MEF2C: variants seen among roughly 807,000 people sequenced by gnomAD.
MEF2C encodes the protein myocyte-specific enhancer factor 2C.
A neutral mutation model predicts 50.5 loss-of-function variants in MEF2C; 6 were observed. The ratio of observed to expected loss-of-function variants is 0.12; its 90% CI spans 0.07 to 0.23. The LOEUF is 0.23. Ranked by LOEUF, MEF2C falls within the 10% of genes least tolerant of loss-of-function variation. MEF2C has a pLI of 1.00. For synonymous variants in MEF2C, 183 were observed against 228.0 expected, an observed-to-expected ratio of 0.80 and a Z score of 1.78; for missense variants, 276 against 605.0, an observed-to-expected ratio of 0.46 and a Z score of 5.70.
intron 1 of MEF2C, among the ~76,000 whole-genome samples, chr5:88,853,776 C>A (rs536352367): frequency 6.6e-6 from 1 of 152,162 alleles, no homozygotes; most frequent in Non-Finnish European, 1.5e-5. Flanking sequence ...CAGGAATAAG[C>A]GATCCACATG....
At chr5:88,751,561 A>G in intron 5 of MEF2C, 2 of 980,946 alleles carry the variant, frequency 2.0e-6, no homozygotes, top group Non-Finnish European at 2.4e-6. Context: ...CAGAAGTAAA[A>G]GTGTGGAGAA....
At chr5:88,811,151 A>G (rs1802613360) in intron 2 of MEF2C, among the ~76,000 whole-genome samples, 1 of 152,174 alleles carries the variant, frequency 6.6e-6, no homozygotes, top group Non-Finnish European at 1.5e-5. Context: ...TAGAGCATCT[A>G]CAGGATGGTA....
At chr5:88,863,612 C>T (rs191671679) in intron 1 of MEF2C, among the ~76,000 whole-genome samples, 3 of 152,264 alleles carry the variant, frequency 2.0e-5, no homozygotes, top group African/African-American at 4.8e-5. Flanking sequence ...AATTTTGTAC[C>T]TGTTGACCTA....
chr5:88,776,926 G>A (rs561039871), intron 3 of MEF2C, among the ~76,000 whole-genome samples: 6 of 152,290 alleles, frequency 3.9e-5, no homozygotes, highest in South Asian at 2.1e-4. Context: ...GCCCCACGGC[G>A]CACTCTGTCC....
At chr5:88,854,820 T>C (rs1822676645) in intron 1 of MEF2C, among the ~76,000 whole-genome samples, 1 of 152,352 alleles carries the variant, frequency 6.6e-6, no homozygotes, top group East Asian at 1.9e-4. Context: ...TTGAGAATCA[T>C]GTTTACTGAA....
chr5:88,861,396 T>C (rs1431246663), intron 1 of MEF2C, among the ~76,000 whole-genome samples: 1 of 152,234 alleles, frequency 6.6e-6, no homozygotes, highest in Non-Finnish European at 1.5e-5. Context: ...AAATGAATCA[T>C]ATTAAAACTC....
At chr5:88,859,698 G>A (rs575556068) in intron 1 of MEF2C, among the ~76,000 whole-genome samples, 8 of 152,258 alleles carry the variant, frequency 5.3e-5, no homozygotes, top group East Asian at 3.9e-4. Context: ...GGGAAGTTGC[G>A]CTCAACGAGC....
chr5:88,789,343 A>G (rs1454697073), intron 3 of MEF2C, among the ~76,000 whole-genome samples: 1 of 151,704 alleles, frequency 6.6e-6, no homozygotes, highest in Non-Finnish European at 1.5e-5. Context: ...ATTTATTTTT[A>G]TTTTTGTAGA....
chr5:88,743,230 G>T, intron 6 of MEF2C: 1 of 982,940 alleles, frequency 1.0e-6, no homozygotes. Flanking sequence ...CTTGAATATT[G>T]CAATCTTAAG....
At chr5:88,805,823 C>CTTTTTTT (rs869224140) in intron 2 of MEF2C, among the ~76,000 whole-genome samples, 4 of 61,590 alleles carry the variant, frequency 6.5e-5, no homozygotes, top group East Asian at 5.9e-4. Context: ...CGTGAACATT[C>CTTTTTTT]TTTTTTTTTT....
At chr5:88,775,597 A>G (rs1454567107) in intron 3 of MEF2C, among the ~76,000 whole-genome samples, 2 of 152,238 alleles carry the variant, frequency 1.3e-5, no homozygotes, top group Admixed American at 6.5e-5. Context: ...AATTAAATTA[A>G]TAATTAAAAT....
chr5:88,735,747 A>G (rs1763806354), intron 6 of MEF2C: 1 of 985,250 alleles, frequency 1.0e-6, no homozygotes, highest in East Asian at 1.1e-4. Context: ...CATTTTTTTT[A>G]TTGACTCCTA....
At chr5:88,881,302 T>C (rs531062576) in intron 1 of MEF2C, 5 of 152,338 alleles carry the variant, frequency 3.3e-5, no homozygotes, top group Non-Finnish European at 5.9e-5. Flanking sequence ...GGATGTTAGA[T>C]AGGGACATCT....
chr5:88,746,949 A>G (rs1435672983), intron 6 of MEF2C, among the ~76,000 whole-genome samples: 4 of 152,206 alleles, frequency 2.6e-5, no homozygotes, highest in Admixed American at 2.6e-4. Context: ...TATAATATTT[A>G]TTATCACCAG....
chr5:88,891,110 C>G (rs1834495850), intron 1 of MEF2C, among the ~76,000 whole-genome samples: 3 of 152,172 alleles, frequency 2.0e-5, no homozygotes. Flanking sequence ...ATCTCCCAAA[C>G]TAAAAATGTA....
intron 1 of MEF2C, among the ~76,000 whole-genome samples, chr5:88,899,635 A>G (rs548277872): frequency 1.5e-4 from 23 of 152,274 alleles, no homozygotes; most frequent in African/African-American, 5.1e-4. Context: ...CTTCAAAAGC[A>G]GATACCGGAC....
intron 3 of MEF2C, among the ~76,000 whole-genome samples, chr5:88,779,601 T>TTG (rs58856249): frequency 0.52 from 76,997 of 147,986 alleles, 20,400 homozygotes; most frequent in East Asian, 0.84. Flanking sequence ...TTGTGTAGGT[T>TTG]TGTGTGTGTG....
At chr5:88,885,793 C>A (rs902148522), upstream of MEF2C, among the ~76,000 whole-genome samples, 1 of 152,204 alleles carries the variant, frequency 6.6e-6, no homozygotes, top group African/African-American at 2.4e-5. Flanking sequence ...TTACAACAGT[C>A]TATTTGACAT....
At chr5:88,760,720 G>T (rs770237553) in intron 4 of MEF2C, among the ~76,000 whole-genome samples, 1 of 152,164 alleles carries the variant, frequency 6.6e-6, no homozygotes, top group African/African-American at 2.4e-5. Context: ...TTAAAAGATT[G>T]TGTAAATTTA....
Sources: allele counts gnomAD v4.1 joint callset (sites outside exome capture counted in the v4.1 genomes callset), GRCh38; gene constraint gnomAD v4.1.1; transcripts MANE v1.5; gene names NCBI Gene and HGNC (gene_info 2026-07-23, HGNC 2026-07-21).